Variants in KATNBL1 observed in about 807,000 individuals in gnomAD.
KATNBL1 encodes the protein KATNB1-like protein 1.
A neutral mutation model predicts 44.7 loss-of-function variants in KATNBL1; 28 were observed. The ratio of observed to expected loss-of-function variants is 0.63; its 90% CI spans 0.46 to 0.86. KATNBL1 has a LOEUF of 0.86. KATNBL1 is among the 40% of genes least tolerant of loss of function. The probability of loss-of-function intolerance (pLI) is 0.00; values close to 1 mark genes in which losing one functional copy is unlikely to be tolerated. For synonymous variants in KATNBL1, 78 were observed against 114.9 expected, an observed-to-expected ratio of 0.68 and a Z score of 2.06; for missense variants, 272 against 350.7, an observed-to-expected ratio of 0.78 and a Z score of 1.79.
chr15:34,171,932 G>A (rs1180430754), intron 1 of KATNBL1, among the ~76,000 whole-genome samples: 3 of 133,064 alleles, frequency 2.3e-5, no homozygotes, highest in Non-Finnish European at 4.8e-5. Context: ...ACCAGGGCCT[G>A]TCATGGGGTG....
intron 3 of KATNBL1, among the ~76,000 whole-genome samples, chr15:34,154,264 G>A (rs1177419372): frequency 6.6e-6 from 1 of 152,194 alleles, no homozygotes; most frequent in Non-Finnish European, 1.5e-5. Context: ...TTAGGGACCC[G>A]CAGGTCCTCA....
rs965586646 is a variant in KATNBL1 at position 34,142,121 on chromosome 15, A to G, written c.*218T>C. ...ATCTTCATAGTGCACTTTCACCTCA[A>G]TGAAATTGAAGCTGCTCCTTTTGGA... is the stretch of plus-strand genomic sequence containing the variant. On this transcript the variant is annotated 3_prime_UTR_variant, in exon 10 of 10. Coordinates refer to ENST00000256544, the MANE Select transcript of KATNBL1 (RefSeq NM_024713.3). 6 of 403,668 alleles carry G rather than the reference A, an allele frequency of 1.5e-5. No individual in the cohort carries two copies. The highest frequency in any genetic ancestry group is 2.1e-5 in the African/African-American group (1 of 48,080). The allele number at this position is 403,668 out of a possible 1,614,324, so 25.0% of individuals were successfully genotyped here.
chr15:34,199,440 A>G (rs929901681), intron 1 of KATNBL1: 1 of 152,250 alleles, frequency 6.6e-6, no homozygotes, highest in African/African-American at 2.4e-5. Context: ...CCCATCTCAG[A>G]AAATGACAGA....
intron 1 of KATNBL1, among the ~76,000 whole-genome samples, chr15:34,170,432 G>T (rs961756972): frequency 1.3e-5 from 2 of 152,110 alleles, no homozygotes; most frequent in South Asian, 4.1e-4. Flanking sequence ...TCAATGAAAT[G>T]AAAGAGGACA....
At chr15:34,144,680 C>T (rs1281947886) in intron 9 of KATNBL1, among the ~76,000 whole-genome samples, 1 of 151,960 alleles carries the variant, frequency 6.6e-6, no homozygotes, top group East Asian at 1.9e-4. Flanking sequence ...AAGTGATTCT[C>T]CTGCCTCAGC....
intron 1 of KATNBL1, among the ~76,000 whole-genome samples, chr15:34,180,880 T>C (rs138472709): frequency 2.4e-3 from 363 of 152,034 alleles, no homozygotes; most frequent in African/African-American, 8.2e-3. Flanking sequence ...CTAGGCAACA[T>C]AGTGAGACCC....
intron 1 of KATNBL1, among the ~76,000 whole-genome samples, chr15:34,197,512 A>G (rs1050675812): frequency 6.6e-6 from 1 of 152,250 alleles, no homozygotes; most frequent in Non-Finnish European, 1.5e-5. Context: ...TGTAAGAAAC[A>G]TGATTCGTGG....
chr15:34,179,492 T>A (rs1174173951), intron 1 of KATNBL1, among the ~76,000 whole-genome samples: 3 of 152,004 alleles, frequency 2.0e-5, no homozygotes, highest in Non-Finnish European at 2.9e-5. Context: ...ACCATAGCAA[T>A]GGTATTTTTT....
chr15:34,177,264 C>T (rs1410744907), intron 1 of KATNBL1, among the ~76,000 whole-genome samples: 1 of 152,154 alleles, frequency 6.6e-6, no homozygotes, highest in African/African-American at 2.4e-5. Flanking sequence ...GGGATAAATT[C>T]TCTTTACATA....
chr15:34,163,781 C>T (rs1033627467), intron 1 of KATNBL1, 91 bp from the exon 2 acceptor site: 7 of 663,636 alleles, frequency 1.1e-5, no homozygotes, highest in Non-Finnish European at 1.4e-5. Flanking sequence ...TAGCACAATG[C>T]TATATAAAAA....
chr15:34,208,769 C>A (rs192806796), intron 1 of KATNBL1: 9 of 152,168 alleles, frequency 5.9e-5, no homozygotes, highest in Non-Finnish European at 1.2e-4. Flanking sequence ...TGTATGTGTA[C>A]ACAAAAGCAC....
intron 1 of KATNBL1, among the ~76,000 whole-genome samples, chr15:34,179,063 A>G (rs1334213695): frequency 1.3e-5 from 2 of 152,180 alleles, no homozygotes; most frequent in Non-Finnish European, 2.9e-5. Flanking sequence ...ACTATTTTCA[A>G]AGGCTGTTTT....
chr15:34,205,438 G>T (rs530921173), intron 1 of KATNBL1, among the ~76,000 whole-genome samples: 3 of 152,260 alleles, frequency 2.0e-5, no homozygotes, highest in Non-Finnish European at 4.4e-5. Context: ...CTAGGACATA[G>T]GTTTTTGAAA....
intron 1 of KATNBL1, among the ~76,000 whole-genome samples, chr15:34,197,428 T>G (rs545427859): frequency 6.6e-6 from 1 of 152,332 alleles, no homozygotes; most frequent in South Asian, 2.1e-4. Context: ...CCACAATGTC[T>G]GTAAATCACT....
chr15:34,198,222 T>C (rs1046200817), intron 1 of KATNBL1: 1 of 152,226 alleles, frequency 6.6e-6, no homozygotes, highest in South Asian at 2.1e-4. Context: ...TTTTTGGTGG[T>C]ATATACAGCT....
At chr15:34,142,773 G>A (rs113440718) in intron 9 of KATNBL1, 48,861 of 274,412 alleles carry the variant, frequency 0.18, 5,564 homozygotes, top group African/African-American at 0.36. Flanking sequence ...GTGCAGTGGC[G>A]TGATCTTGGC....
chr15:34,163,900 T>C (rs960791666), intron 1 of KATNBL1, among the ~76,000 whole-genome samples: 7 of 151,834 alleles, frequency 4.6e-5, no homozygotes, highest in African/African-American at 1.5e-4. Flanking sequence ...CTCATTCTTT[T>C]TTTTTTTTTT....
chr15:34,184,338 G>A (rs960642825), intron 1 of KATNBL1, among the ~76,000 whole-genome samples: 8 of 150,254 alleles, frequency 5.3e-5, no homozygotes, highest in South Asian at 2.1e-4. Context: ...GTGGTGGTGC[G>A]CACCTGTGGT....
intron 1 of KATNBL1, among the ~76,000 whole-genome samples, chr15:34,171,414 A>T (rs1317634620): frequency 6.6e-6 from 1 of 152,226 alleles, no homozygotes; most frequent in African/African-American, 2.4e-5. Context: ...TAGAATGGTG[A>T]TCATTAAAAA....
Sources: gnomAD v4.1 joint callset for allele counts (sites outside exome capture counted in the v4.1 genomes callset) on GRCh38, gnomAD v4.1.1 for gene constraint, MANE v1.5 for transcripts, NCBI Gene and HGNC (gene_info 2026-07-23, HGNC 2026-07-21) for gene names.